ARB2A: variants seen among roughly 807,000 people sequenced by gnomAD.
The protein encoded by ARB2A is ARB2 cotranscriptional regulator A.
the ARB2A span, chr5:93,804,969 T>C: frequency 4.1e-5 from 40 of 983,458 alleles, no homozygotes; most frequent in African/African-American, 7.0e-4. Flanking sequence ...AAGCATGTCC[T>C]AGGTGGTGAG....
chr5:93,940,045 G>A, the ARB2A span, among the ~76,000 whole-genome samples: 1 of 151,660 alleles, frequency 6.6e-6, no homozygotes, highest in Non-Finnish European at 1.5e-5. Flanking sequence ...CAATCTTTCT[G>A]AGGCATACTC....
chr5:93,866,750 A>C, the ARB2A span, among the ~76,000 whole-genome samples: 1 of 152,190 alleles, frequency 6.6e-6, no homozygotes, highest in African/African-American at 2.4e-5. Context: ...CCCTTCGTAA[A>C]GCAAGGGATG....
chr5:93,864,655 T>A, the ARB2A span, among the ~76,000 whole-genome samples: 1 of 152,230 alleles, frequency 6.6e-6, no homozygotes, highest in Non-Finnish European at 1.5e-5. Flanking sequence ...ATAAGTTGTA[T>A]TTAGTACAGA....
chr5:93,750,739 C>T, the ARB2A span, among the ~76,000 whole-genome samples: 64 of 152,090 alleles, frequency 4.2e-4, no homozygotes, highest in Non-Finnish European at 7.6e-4. Context: ...GTTGCCCACG[C>T]TGGTCTCAAA....
At chr5:93,872,909 T>A in the ARB2A span, among the ~76,000 whole-genome samples, 1 of 151,418 alleles carries the variant, frequency 6.6e-6, no homozygotes, top group African/African-American at 2.4e-5. Context: ...AGAATGAGAC[T>A]CTGTCTCAAA....
the ARB2A span, among the ~76,000 whole-genome samples, chr5:94,094,095 T>C: frequency 1.3e-5 from 2 of 152,218 alleles, no homozygotes; most frequent in African/African-American, 4.8e-5. Flanking sequence ...TTTTAAGGTA[T>C]TTGGTAGAGC....
At chr5:93,719,153 T>G in the ARB2A span, among the ~76,000 whole-genome samples, 1 of 152,218 alleles carries the variant, frequency 6.6e-6, no homozygotes, top group African/African-American at 2.4e-5. Flanking sequence ...CCATAACTTT[T>G]ATATTCCTTA....
At chr5:93,678,495 C>T in the ARB2A span, among the ~76,000 whole-genome samples, 8 of 152,204 alleles carry the variant, frequency 5.3e-5, no homozygotes, top group Non-Finnish European at 1.0e-4. Context: ...GTGGCTCACG[C>T]CTGTAATCCC....
At chr5:93,842,804 G>A in the ARB2A span, among the ~76,000 whole-genome samples, 2 of 152,178 alleles carry the variant, frequency 1.3e-5, no homozygotes, top group Non-Finnish European at 2.9e-5. Context: ...CATTCCACGT[G>A]CTTGGCAAAT....
the ARB2A span, chr5:93,733,159 T>G: frequency 6.6e-6 from 1 of 151,994 alleles, no homozygotes; most frequent in Non-Finnish European, 1.5e-5. Context: ...CCACTCTTTT[T>G]GCTAAATCCT....
At chr5:93,627,386 C>G in the ARB2A span, among the ~76,000 whole-genome samples, 1 of 151,890 alleles carries the variant, frequency 6.6e-6, no homozygotes, top group Admixed American at 6.6e-5. Flanking sequence ...TGACTGTACC[C>G]AGATCCATCA....
the ARB2A span, among the ~76,000 whole-genome samples, chr5:93,911,773 TC>T: frequency 6.6e-6 from 1 of 151,714 alleles, no homozygotes; most frequent in Non-Finnish European, 1.5e-5. Context: ...AGTACTCAGC[TC>T]ACTGTTAACT....
chr5:94,024,371 G>A, the ARB2A span, among the ~76,000 whole-genome samples: 5,270 of 152,132 alleles, frequency 0.035, 141 homozygotes, highest in East Asian at 0.13. Flanking sequence ...CAGCCTGCTG[G>A]CCTCCCCCAT....
At chr5:93,989,503 C>A in the ARB2A span, among the ~76,000 whole-genome samples, 1 of 152,060 alleles carries the variant, frequency 6.6e-6, no homozygotes, top group Non-Finnish European at 1.5e-5. Flanking sequence ...CCTTTAAATC[C>A]TATCATCCCA....
the ARB2A span, among the ~76,000 whole-genome samples, chr5:94,103,311 G>C: frequency 6.6e-6 from 1 of 152,054 alleles, no homozygotes; most frequent in East Asian, 1.9e-4. Flanking sequence ...CTCAGAGTAA[G>C]GGATAGAGAA....
the ARB2A span, among the ~76,000 whole-genome samples, chr5:93,955,047 T>A: frequency 6.6e-6 from 1 of 152,170 alleles, no homozygotes; most frequent in Non-Finnish European, 1.5e-5. Context: ...AGGGGTGGCA[T>A]CGGCGATTCA....
chr5:93,932,332 G>C, the ARB2A span, among the ~76,000 whole-genome samples: 1 of 152,164 alleles, frequency 6.6e-6, no homozygotes, highest in Non-Finnish European at 1.5e-5. Flanking sequence ...CACTAAAACA[G>C]ATATCTTGTT....
At chr5:93,901,362 G>A in the ARB2A span, among the ~76,000 whole-genome samples, 1 of 152,146 alleles carries the variant, frequency 6.6e-6, no homozygotes, top group Non-Finnish European at 1.5e-5. Flanking sequence ...ATACATAGAA[G>A]GAAGGAGTGC....
the ARB2A span, among the ~76,000 whole-genome samples, chr5:93,953,312 T>C: frequency 2.6e-5 from 4 of 152,178 alleles, no homozygotes; most frequent in African/African-American, 9.7e-5. Context: ...TTTCCAGGTA[T>C]CCGAAGGCAC....
Sources: allele counts gnomAD v4.1 joint callset (sites outside exome capture counted in the v4.1 genomes callset), GRCh38; gene constraint gnomAD v4.1.1; transcripts MANE v1.5; gene names NCBI Gene and HGNC (gene_info 2026-07-23, HGNC 2026-07-21).